CTNNA3: variants seen among roughly 807,000 people sequenced by gnomAD.
CTNNA3 encodes catenin alpha 3, also known as catenin alpha-3.
A neutral mutation model predicts 95.7 loss-of-function variants in CTNNA3; 76 were observed. That is an observed-to-expected ratio of 0.79 (90% confidence interval 0.66 to 0.96). The LOEUF (loss-of-function observed/expected upper bound fraction) is 0.96. CTNNA3 is among the 40% of genes least tolerant of loss of function. The pLI, the probability that CTNNA3 is intolerant of heterozygous loss-of-function variation, is 0.00. For missense variants in CTNNA3, 1,191 were observed against 1,089.8 expected (o/e 1.09, Z -1.31); for synonymous variants, 431 against 374.4 (o/e 1.15, Z -1.74).
intron 1 of CTNNA3, among the ~76,000 whole-genome samples, chr10:67,670,833 C>T (rs1022726196): frequency 6.6e-6 from 1 of 152,162 alleles, no homozygotes; most frequent in African/African-American, 2.4e-5. Context: ...ACTTCCGTAA[C>T]TTTTTTTACA....
intron 5 of CTNNA3, among the ~76,000 whole-genome samples, chr10:67,229,534 AT>A (rs1865088815): frequency 6.6e-6 from 1 of 152,118 alleles, no homozygotes. Flanking sequence ...AGCTGTCACT[AT>A]TTACTGATGA....
intron 2 of CTNNA3, among the ~76,000 whole-genome samples, chr10:67,640,219 CAGAG>C (rs913724292): frequency 3.3e-5 from 5 of 152,150 alleles, no homozygotes; most frequent in East Asian, 1.9e-4. Context: ...AACAAACAAA[CAGAG>C]AGCCAAATCA....
intron 5 of CTNNA3, among the ~76,000 whole-genome samples, chr10:67,389,889 T>C (rs2132764134): frequency 6.6e-6 from 1 of 151,106 alleles, no homozygotes; most frequent in Non-Finnish European, 1.5e-5. Context: ...TACCAGAATC[T>C]CTGGGACACA....
At chr10:66,252,004 A>G (rs2090572361) in intron 13 of CTNNA3, among the ~76,000 whole-genome samples, 1 of 152,204 alleles carries the variant, frequency 6.6e-6, no homozygotes, top group Non-Finnish European at 1.5e-5. Flanking sequence ...CATTATTAAG[A>G]TCAGTCTATG....
intron 11 of CTNNA3, among the ~76,000 whole-genome samples, chr10:66,404,339 TTCAGG>T (rs2093041166): frequency 6.6e-6 from 1 of 152,172 alleles, no homozygotes; most frequent in South Asian, 2.1e-4. Flanking sequence ...ATGGGCCAGC[TTCAGG>T]TCAATTAAAC....
At chr10:67,115,102 C>A (rs1173212191) in intron 7 of CTNNA3, among the ~76,000 whole-genome samples, 1 of 152,154 alleles carries the variant, frequency 6.6e-6, no homozygotes, top group Admixed American at 6.6e-5. Context: ...TCCCTACACA[C>A]CACAGATTCC....
At chr10:66,563,051 A>C (rs1197327924) in intron 10 of CTNNA3, among the ~76,000 whole-genome samples, 8 of 152,136 alleles carry the variant, frequency 5.3e-5, no homozygotes, top group African/African-American at 1.9e-4. Context: ...GTCAGTGTAG[A>C]ACTGTCACTG....
At chr10:67,215,566 A>G (rs1864320801) in intron 6 of CTNNA3, among the ~76,000 whole-genome samples, 2 of 152,182 alleles carry the variant, frequency 1.3e-5, no homozygotes, top group South Asian at 4.1e-4. Flanking sequence ...GAGGCTACAC[A>G]GATAATATGA....
chr10:67,159,184 C>A (rs528746232), intron 7 of CTNNA3, among the ~76,000 whole-genome samples: 3 of 152,328 alleles, frequency 2.0e-5, no homozygotes, highest in South Asian at 2.1e-4. Context: ...GCGCATGCAG[C>A]CCCTGTCGTG....
chr10:66,488,695 A>T (rs2131926949), intron 11 of CTNNA3, among the ~76,000 whole-genome samples: 1 of 152,270 alleles, frequency 6.6e-6, no homozygotes, highest in East Asian at 1.9e-4. Flanking sequence ...TAATAATAAA[A>T]ATATTTTAAA....
At chr10:67,159,293 G>A (rs547218533) in intron 7 of CTNNA3, among the ~76,000 whole-genome samples, 10 of 152,060 alleles carry the variant, frequency 6.6e-5, no homozygotes, top group African/African-American at 2.2e-4. Context: ...CGGGGAGCTC[G>A]GATTTTAAGG....
At chr10:66,487,098 A>G (rs1223140908) in intron 11 of CTNNA3, among the ~76,000 whole-genome samples, 2 of 151,908 alleles carry the variant, frequency 1.3e-5, no homozygotes, top group African/African-American at 4.8e-5. Context: ...TATAAGACGA[A>G]TAAGTTCAGG....
At chr10:67,505,346 C>T (rs1304079336) in intron 5 of CTNNA3, among the ~76,000 whole-genome samples, 1 of 152,102 alleles carries the variant, frequency 6.6e-6, no homozygotes, top group Non-Finnish European at 1.5e-5. Context: ...GGGAAAATGA[C>T]TAAAATTCAG....
intron 10 of CTNNA3, among the ~76,000 whole-genome samples, chr10:66,596,354 A>G (rs149765618): frequency 2.3e-4 from 35 of 152,206 alleles, no homozygotes; most frequent in Non-Finnish European, 4.9e-4. Context: ...TCTACTACAT[A>G]TGGTACCCTA....
intron 7 of CTNNA3, among the ~76,000 whole-genome samples, chr10:66,907,890 G>A (rs751946768): frequency 6.6e-6 from 1 of 152,062 alleles, no homozygotes; most frequent in Non-Finnish European, 1.5e-5. Flanking sequence ...GCTATCATAG[G>A]AACTGACCAA....
At chr10:66,399,146 C>T (rs1384278511) in intron 11 of CTNNA3, among the ~76,000 whole-genome samples, 2 of 151,768 alleles carry the variant, frequency 1.3e-5, no homozygotes, top group Non-Finnish European at 2.9e-5. Context: ...CTATAATTAC[C>T]CTTGCTTTCT....
At chr10:67,353,598 A>G (rs2132650679) in intron 5 of CTNNA3, among the ~76,000 whole-genome samples, 1 of 152,054 alleles carries the variant, frequency 6.6e-6, no homozygotes, top group African/African-American at 2.4e-5. Context: ...CAAGGAGCTG[A>G]GAAAACAAGA....
intron 5 of CTNNA3, among the ~76,000 whole-genome samples, chr10:67,225,534 G>T (rs979963677): frequency 2.0e-5 from 3 of 152,152 alleles, no homozygotes; most frequent in African/African-American, 7.2e-5. Flanking sequence ...GCCATATATG[G>T]TTCACATCAC....
chr10:66,734,768 C>G (rs2132676062), intron 9 of CTNNA3, among the ~76,000 whole-genome samples: 1 of 151,006 alleles, frequency 6.6e-6, no homozygotes, highest in South Asian at 2.1e-4. Flanking sequence ...GAGGCTGAGG[C>G]AGGAGAATCT....
Sources: allele counts gnomAD v4.1 joint callset (sites outside exome capture counted in the v4.1 genomes callset), GRCh38; gene constraint gnomAD v4.1.1; transcripts MANE v1.5; gene names NCBI Gene and HGNC (gene_info 2026-07-23, HGNC 2026-07-21).